UCK2: variants seen among roughly 807,000 people sequenced by gnomAD.
The protein encoded by UCK2 is uridine-cytidine kinase 2, also known as cytidine monophosphokinase 2.
In UCK2, 6 loss-of-function variants were observed where a neutral mutation model predicts 30.8. The ratio of observed to expected loss-of-function variants is 0.19; its 90% CI spans 0.11 to 0.38. UCK2 has a LOEUF of 0.38. Among genes scored for constraint, UCK2 ranks in the 10% least tolerant of loss-of-function variants. UCK2 has a pLI of 1.00. For synonymous variants in UCK2, 125 were observed against 133.6 expected, an observed-to-expected ratio of 0.94 and a Z score of 0.45; for missense variants, 210 against 339.8, an observed-to-expected ratio of 0.62 and a Z score of 3.00.
intron 4 of UCK2, chr1:165,902,592 A>ATGTTTTTTTTTTTTTTTTTTT (rs1647514196): frequency 2.2e-5 from 1 of 45,758 alleles, no homozygotes; most frequent in Non-Finnish European, 3.8e-5. Context: ...TCACTGAGTG[A>ATGTTTTTTTTTTTTTTTTTTT]TTTTTTTTTT....
intron 1 of UCK2, among the ~76,000 whole-genome samples, chr1:165,880,566 G>GTGTGTGTGTGT (rs1557843943): frequency 3.6e-4 from 7 of 19,354 alleles, no homozygotes; most frequent in East Asian, 1.8e-3. Context: ...TTTTTTTGGG[G>GTGTGTGTGTGT]GTGTGTGTGT....
intron 1 of UCK2, among the ~76,000 whole-genome samples, chr1:165,878,246 A>T (rs1655389217): frequency 6.6e-6 from 1 of 151,566 alleles, no homozygotes; most frequent in Admixed American, 6.6e-5. Context: ...ACATTATGTG[A>T]CCTTTTCAGA....
At chr1:165,844,201 C>A (rs1310481877) in intron 1 of UCK2, among the ~76,000 whole-genome samples, 1 of 152,232 alleles carries the variant, frequency 6.6e-6, no homozygotes, top group Non-Finnish European at 1.5e-5. Context: ...TCTATTGAGT[C>A]TCAGTGCAAG....
chr1:165,882,590 G>A (rs143686884), intron 1 of UCK2, among the ~76,000 whole-genome samples: 50 of 152,296 alleles, frequency 3.3e-4, no homozygotes, highest in African/African-American at 1.2e-3. Flanking sequence ...GGTGTCTGGT[G>A]AGGGCCGCTG....
At chr1:165,833,108 C>T (rs367958186) in intron 1 of UCK2, among the ~76,000 whole-genome samples, 1 of 152,156 alleles carries the variant, frequency 6.6e-6, no homozygotes, top group Non-Finnish European at 1.5e-5. Flanking sequence ...CCCGTGTCGG[C>T]GCCCACTGCT....
In UCK2 at chr1:165,874,009, T is replaced by C. The variant is rs116810518; in HGVS notation, c.100-16195T>C. 2.4e-3 allele frequency among the ~76,000 whole-genome samples: 362 copies of C among 152,322 alleles called. 1 individual carries two copies. Among genetic ancestry groups the C allele is most frequent in the African/African-American group, 8.1e-3 (337 of 41,570 alleles). On this transcript the variant is annotated intron_variant, in intron 1 of 6. Transcript: ENST00000367879. ...ACATAGGTAATGACTTTAGCCATTGTCTCCCTCTACCTTAGACCTTATCAT... is the reference window on the plus strand; with the variant it reads ...ACATAGGTAATGACTTTAGCCATTGCCTCCCTCTACCTTAGACCTTATCAT...
chr1:165,831,236 G>A (rs1000026347), intron 1 of UCK2, among the ~76,000 whole-genome samples: 5 of 151,998 alleles, frequency 3.3e-5, no homozygotes, highest in Non-Finnish European at 7.4e-5. Context: ...CCGTCTCTAC[G>A]AAAAATTAAA....
chr1:165,866,262 A>G (rs1424903602), intron 1 of UCK2, among the ~76,000 whole-genome samples: 1 of 152,212 alleles, frequency 6.6e-6, no homozygotes, highest in African/African-American at 2.4e-5. Context: ...ATTGGTTTCT[A>G]TAACTGTGAA....
At position 165,907,962 on chromosome 1, in the gene UCK2, T is replaced by C; in HGVS notation, c.*139T>C. 7.8e-7 allele frequency: 1 copy of C among 1,288,990 alleles called. No individual in the cohort carries two copies. The highest frequency in any genetic ancestry group is 1.0e-6 in the Non-Finnish European group (1 of 968,478). The allele number at this position is 1,288,990 out of a possible 1,614,324, so 79.8% of individuals were successfully genotyped here. ...ATGGAGATGAAATGCCTTTGATTTT[T>C]TTTTTCTTTTTGTACTTTGGAACGA... On this transcript the variant is annotated 3_prime_UTR_variant, in exon 7 of 7. Transcript: ENST00000367879.
At chr1:165,903,340 C>A in intron 5 of UCK2, 61 bp downstream of exon 5, 3 of 1,481,236 alleles carry the variant, frequency 2.0e-6, no homozygotes, top group South Asian at 1.2e-5. Context: ...ATGATATAAA[C>A]GAAGGTGTGC....
chr1:165,863,119 CGTGCCAG>C, intron 1 of UCK2, among the ~76,000 whole-genome samples: 1 of 152,292 alleles, frequency 6.6e-6, no homozygotes, highest in Non-Finnish European at 1.5e-5. Context: ...TGTCTTCTCC[CGTGCCAG>C]GTGCCAGGTG....
chr1:165,899,433 G>A (rs1243802177), intron 4 of UCK2, among the ~76,000 whole-genome samples: 2 of 152,166 alleles, frequency 1.3e-5, no homozygotes, highest in African/African-American at 2.4e-5. Context: ...GGGGGATTCA[G>A]CCCATTCTTT....
intron 1 of UCK2, among the ~76,000 whole-genome samples, chr1:165,844,916 C>T (rs972229206): frequency 6.6e-6 from 1 of 152,088 alleles, no homozygotes; most frequent in African/African-American, 2.4e-5. Flanking sequence ...TCCTGTGTTT[C>T]CTTTATAATC....
At chr1:165,834,635 C>T (rs1010729445) in intron 1 of UCK2, among the ~76,000 whole-genome samples, 2 of 152,170 alleles carry the variant, frequency 1.3e-5, no homozygotes, top group African/African-American at 4.8e-5. Flanking sequence ...TGAACAATGA[C>T]AGAAGGTGAC....
At chr1:165,893,714 A>G (rs1655824260) in intron 3 of UCK2, among the ~76,000 whole-genome samples, 2 of 152,188 alleles carry the variant, frequency 1.3e-5, no homozygotes, top group South Asian at 4.1e-4. Flanking sequence ...GACTCCTTGC[A>G]CATTCTGGGC....
chr1:165,870,206 T>G (rs1441510758), intron 1 of UCK2, among the ~76,000 whole-genome samples: 2 of 150,708 alleles, frequency 1.3e-5, no homozygotes, highest in Admixed American at 1.3e-4. Context: ...ACTTCATTTT[T>G]TTTTTTTTTT....
intron 1 of UCK2, among the ~76,000 whole-genome samples, chr1:165,858,327 G>T (rs917243815): frequency 2.6e-5 from 4 of 152,154 alleles, no homozygotes; most frequent in Admixed American, 2.6e-4. Context: ...CATGTGGGCT[G>T]GCCAACCTCT....
intron 1 of UCK2, among the ~76,000 whole-genome samples, chr1:165,838,814 G>T (rs1297662311): frequency 6.6e-6 from 1 of 151,886 alleles, no homozygotes; most frequent in Non-Finnish European, 1.5e-5. Context: ...TTGGGAGGCC[G>T]GGATGGGCAG....
chr1:165,901,065 C>G (rs969484698), intron 4 of UCK2, among the ~76,000 whole-genome samples: 1 of 152,124 alleles, frequency 6.6e-6, no homozygotes, highest in Non-Finnish European at 1.5e-5. Context: ...GGGTGAGCCA[C>G]GTGGCAGCTC....
Sources: allele counts gnomAD v4.1 joint callset (sites outside exome capture counted in the v4.1 genomes callset), GRCh38; gene constraint gnomAD v4.1.1; transcripts MANE v1.5; gene names NCBI Gene and HGNC (gene_info 2026-07-23, HGNC 2026-07-21).